ZNF609: variants seen among roughly 807,000 people sequenced by gnomAD.
ZNF609 encodes the protein zinc finger protein 609.
In ZNF609, 11 loss-of-function variants were observed where a neutral mutation model predicts 109.5. That is an observed-to-expected ratio of 0.10 (90% CI 0.06 to 0.17). The LOEUF (loss-of-function observed/expected upper bound fraction) is 0.17, where lower values mean the gene tolerates loss of function less well. Ranked by LOEUF, ZNF609 falls within the 10% of genes least tolerant of loss-of-function variation. The pLI, the probability that ZNF609 is intolerant of heterozygous loss-of-function variation, is 1.00. For synonymous variants in ZNF609, 646 were observed against 662.0 expected (o/e 0.98, Z 0.37); for missense variants, 1,559 against 1,772.4 (o/e 0.88, Z 2.16).
chr15:64,520,486 A>G (rs991776555), intron 2 of ZNF609, among the ~76,000 whole-genome samples: 1 of 152,192 alleles, frequency 6.6e-6, no homozygotes, highest in Non-Finnish European at 1.5e-5. Context: ...TCTGTTGTGA[A>G]TGTTGTTTCC....
intron 4 of ZNF609, chr15:64,671,244 AAAAT>A (rs1896726162): frequency 6.6e-6 from 1 of 151,734 alleles, no homozygotes; most frequent in Non-Finnish European, 1.5e-5. Flanking sequence ...TAATTAAAAA[AAAAT>A]AAAGTGTTCA....
At chr15:64,544,210 T>C (rs550048937) in intron 2 of ZNF609, among the ~76,000 whole-genome samples, 12 of 152,070 alleles carry the variant, frequency 7.9e-5, no homozygotes, top group Admixed American at 2.0e-4. Context: ...CGTGGTGGCA[T>C]GCATCTGTAA....
At chr15:64,583,265 C>T (rs1895142534) in intron 2 of ZNF609, among the ~76,000 whole-genome samples, 1 of 151,752 alleles carries the variant, frequency 6.6e-6, no homozygotes, top group Admixed American at 6.6e-5. Flanking sequence ...ATGGCGTGAA[C>T]CCAGGAGGCA....
At chr15:64,658,119 A>C (rs958248588) in intron 3 of ZNF609, among the ~76,000 whole-genome samples, 1 of 152,226 alleles carries the variant, frequency 6.6e-6, no homozygotes, top group African/African-American at 2.4e-5. Flanking sequence ...GAAGGAAAAC[A>C]ATGCTTGGCT....
chr15:64,499,453 G>A lies in ZNF609; in HGVS notation c.34G>A (p.Gly12Arg), dbSNP rs1893527619. ...SLSSGASGGK[G>R]VDANPVETYD... ...GAGCAGTGGAGCCTCCGGAGGGAAA[G>A]GAGTGGATGCAAACCCGGTTGAGAC... The change falls in exon 2 of 10, where the codon GGA becomes AGA. Residue 12 changes from glycine to arginine, a missense_variant. Physicochemically the swap from Gly to Arg is moderately radical, Grantham distance 125 (BLOSUM62 -2). Around this residue, in one of 4 missense-constraint regions of ZNF609, gnomAD observed 26 missense variants for 58.4 expected, o/e 0.44. Transcript: ENST00000326648. 6.2e-7 allele frequency: 1 copy of A among 1,614,118 alleles called. No individual in the cohort carries two copies. The highest frequency in any genetic ancestry group is 8.5e-7 in the Non-Finnish European group (1 of 1,180,018).
At chr15:64,615,059 T>TGCC (rs2140964811) in intron 2 of ZNF609, among the ~76,000 whole-genome samples, 1 of 151,868 alleles carries the variant, frequency 6.6e-6, no homozygotes, top group East Asian at 1.9e-4. Flanking sequence ...CCTCGTGATC[T>TGCC]GCCTGCCTTG....
At chr15:64,661,372 G>A (rs2141004940) in intron 3 of ZNF609, among the ~76,000 whole-genome samples, 1 of 152,320 alleles carries the variant, frequency 6.6e-6, no homozygotes, top group South Asian at 2.1e-4. Flanking sequence ...CCATGTCCCA[G>A]TACTTGAGAA....
chr15:64,494,491 G>A (rs987708730), intron 1 of ZNF609, among the ~76,000 whole-genome samples: 1 of 152,150 alleles, frequency 6.6e-6, no homozygotes, highest in South Asian at 2.1e-4. Flanking sequence ...GAGTCACAGA[G>A]TTACTTTCTT....
chr15:64,608,929 G>GT (rs1451915844), intron 2 of ZNF609, among the ~76,000 whole-genome samples: 1 of 151,926 alleles, frequency 6.6e-6, no homozygotes, highest in African/African-American at 2.4e-5. Context: ...TAAAGATGGG[G>GT]TCTTCCTATG....
At chr15:64,473,599 C>A (rs1016008573) in intron 1 of ZNF609, among the ~76,000 whole-genome samples, 1 of 151,358 alleles carries the variant, frequency 6.6e-6, no homozygotes, top group Non-Finnish European at 1.5e-5. Flanking sequence ...TTTAGCCTCA[C>A]TAGTTAGCCT....
At chr15:64,595,115 T>G (rs2140942221) in intron 2 of ZNF609, among the ~76,000 whole-genome samples, 1 of 151,706 alleles carries the variant, frequency 6.6e-6, no homozygotes, top group African/African-American at 2.4e-5. Flanking sequence ...ATCTCAGTAC[T>G]TTGGGAGGCT....
intron 3 of ZNF609, among the ~76,000 whole-genome samples, chr15:64,650,407 G>C (rs1207858430): frequency 7.5e-6 from 1 of 133,984 alleles, no homozygotes; most frequent in East Asian, 2.4e-4. Context: ...ACAGAGTCAG[G>C]CTCCATCTCC....
At chr15:64,558,780 C>T (rs1021535754) in intron 2 of ZNF609, among the ~76,000 whole-genome samples, 9 of 152,084 alleles carry the variant, frequency 5.9e-5, no homozygotes, top group African/African-American at 2.2e-4. Flanking sequence ...CTAAAATAGA[C>T]TAAAGTATGA....
chr15:64,504,107 A>G (rs1467843788), intron 2 of ZNF609, among the ~76,000 whole-genome samples: 1 of 152,220 alleles, frequency 6.6e-6, no homozygotes, highest in African/African-American at 2.4e-5. Context: ...GCTTCCTGAA[A>G]CCAAATGCCC....
At chr15:64,527,308 CT>C (rs560955873) in intron 2 of ZNF609, among the ~76,000 whole-genome samples, 4,240 of 136,400 alleles carry the variant, frequency 0.031, 70 homozygotes, top group South Asian at 0.06. Context: ...TTTCCAACGT[CT>C]TTTTTTTTTT....
chr15:64,667,718 AAAAAG>A (rs1344142880), intron 3 of ZNF609, among the ~76,000 whole-genome samples: 1 of 151,344 alleles, frequency 6.6e-6, no homozygotes. Context: ...GTCTCAAAAA[AAAAAG>A]AAAAAGAAAA....
At chr15:64,591,088 C>T (rs1281028311) in intron 2 of ZNF609, among the ~76,000 whole-genome samples, 1 of 152,226 alleles carries the variant, frequency 6.6e-6, no homozygotes, top group East Asian at 1.9e-4. Context: ...AATCCCAGCA[C>T]TTTGGGAGGC....
intron 2 of ZNF609, among the ~76,000 whole-genome samples, chr15:64,551,007 A>C (rs1009459498): frequency 1.3e-5 from 2 of 152,170 alleles, no homozygotes; most frequent in Non-Finnish European, 2.9e-5. Context: ...AATCACTGCC[A>C]ATCCAATGTC....
At chr15:64,634,264 T>TC (rs1297634195) in intron 3 of ZNF609, among the ~76,000 whole-genome samples, 2 of 152,128 alleles carry the variant, frequency 1.3e-5, no homozygotes, top group African/African-American at 2.4e-5. Context: ...AGCCCTTTGC[T>TC]TTGGTCTGTG....
Sources: gnomAD v4.1 joint callset for allele counts (sites outside exome capture counted in the v4.1 genomes callset) on GRCh38, gnomAD v4.1.1 for gene constraint, gnomAD v4.1.1 regional missense constraint, MANE v1.5 for transcripts, NCBI Gene and HGNC (gene_info 2026-07-23, HGNC 2026-07-21) for gene names.